XYLT1: variants seen among roughly 807,000 people sequenced by gnomAD.
XYLT1 encodes beta-D-xylosyltransferase 1.
In XYLT1, 36 loss-of-function variants were observed where a neutral mutation model predicts 91.3. The ratio of observed to expected loss-of-function variants is 0.39; its 90% CI spans 0.30 to 0.52. The LOEUF is 0.52. Among genes scored for constraint, XYLT1 ranks in the 20% least tolerant of loss-of-function variants. XYLT1 has a pLI of 0.68. For missense variants in XYLT1, 1,242 were observed against 1,284.5 expected, an observed-to-expected ratio of 0.97 and a Z score of 0.51; for synonymous variants, 588 against 532.0, an observed-to-expected ratio of 1.11 and a Z score of -1.45.
intron 2 of XYLT1, among the ~76,000 whole-genome samples, chr16:17,351,915 G>T (rs1335155226): frequency 6.6e-6 from 1 of 152,132 alleles, no homozygotes; most frequent in Non-Finnish European, 1.5e-5. Context: ...AGGCTGAGGC[G>T]GGCGGACTGC....
intron 1 of XYLT1, among the ~76,000 whole-genome samples, chr16:17,415,824 A>G (rs994720089): frequency 6.6e-6 from 1 of 152,202 alleles, no homozygotes; most frequent in Admixed American, 6.5e-5. Context: ...AGTGTGTCAG[A>G]CACACGGGAA....
chr16:17,378,449 C>A lies in XYLT1; in HGVS notation c.364-20399G>T, dbSNP rs1036059695. 2.0e-5 allele frequency among the ~76,000 whole-genome samples: 3 copies of A among 152,202 alleles called. No individual in the cohort carries two copies. The South Asian group carries it at 6.2e-4, about 32-fold the overall frequency. Reference sequence around the variant, plus strand: ...GGTTTCCTTCTGCCAGGTCACCAGTCAATGGATATTTCCCAAAAGGTGGAT... The same window carrying A: ...GGTTTCCTTCTGCCAGGTCACCAGTAAATGGATATTTCCCAAAAGGTGGAT... On this transcript the variant is annotated intron_variant, in intron 1 of 11. Coordinates refer to ENST00000261381, the MANE Select transcript of XYLT1 (RefSeq NM_022166.4).
intron 8 of XYLT1, among the ~76,000 whole-genome samples, chr16:17,137,933 TTCTGA>T (rs2030806247): frequency 2.0e-5 from 3 of 152,054 alleles, no homozygotes; most frequent in Admixed American, 1.3e-4. Context: ...ATGGCAAGAG[TTCTGA>T]GGTTGAAAAG....
chr16:17,190,984 T>C (rs1289228543), intron 5 of XYLT1, among the ~76,000 whole-genome samples: 2 of 152,220 alleles, frequency 1.3e-5, no homozygotes, highest in African/African-American at 4.8e-5. Context: ...TTCAGAGTTG[T>C]TGTCAAAACG....
At chr16:17,337,553 C>T (rs553464055) in intron 2 of XYLT1, among the ~76,000 whole-genome samples, 4 of 152,176 alleles carry the variant, frequency 2.6e-5, no homozygotes, top group Admixed American at 6.5e-5. Flanking sequence ...CAGGACTTCA[C>T]GTTGCTAAAT....
chr16:17,198,700 A>G (rs887984858), intron 4 of XYLT1, among the ~76,000 whole-genome samples: 16 of 152,110 alleles, frequency 1.1e-4, no homozygotes, highest in African/African-American at 3.6e-4. Flanking sequence ...GGGACTTCAC[A>G]TTTTTAAAAT....
intron 2 of XYLT1, among the ~76,000 whole-genome samples, chr16:17,290,427 T>A (rs2034204979): frequency 6.6e-6 from 1 of 152,238 alleles, no homozygotes; most frequent in Non-Finnish European, 1.5e-5. Flanking sequence ...GATGAAGCTA[T>A]TTCTGGAGGC....
intron 9 of XYLT1, among the ~76,000 whole-genome samples, chr16:17,130,599 G>A (rs764234879): frequency 2.6e-5 from 4 of 152,134 alleles, no homozygotes; most frequent in Admixed American, 6.5e-5. Context: ...TCAGCCTCCC[G>A]AGTAGCTGGG....
chr16:17,238,033 C>T (rs1432322119), intron 3 of XYLT1, among the ~76,000 whole-genome samples: 1 of 152,186 alleles, frequency 6.6e-6, no homozygotes, highest in African/African-American at 2.4e-5. Context: ...GGCAGTGGTA[C>T]CTGGCACACA....
Position 17,232,351 on chromosome 16 carries a change from C to T in XYLT1, c.913+26637G>A, listed in dbSNP as rs182262631. ...GACCACCATTGTATATGCAGTCCACCGTTGACTGAAACACTGAAACATACA... is the reference window on the plus strand; with the variant it reads ...GACCACCATTGTATATGCAGTCCACTGTTGACTGAAACACTGAAACATACA... On this transcript the variant is annotated intron_variant, in intron 3 of 11. Coordinates refer to ENST00000261381, the MANE Select transcript of XYLT1 (RefSeq NM_022166.4). 8.6e-3 allele frequency among the ~76,000 whole-genome samples: 1,223 copies of T among 141,626 alleles called. 9 individuals are homozygous for T. Among genetic ancestry groups the T allele is most frequent in the African/African-American group, 0.03 (1,160 of 38,340 alleles). The allele number at this position is 141,626 out of a possible 152,430, so 92.9% of individuals were successfully genotyped here. A position where few individuals can be genotyped will look rare whatever the true frequency, so the allele number is the denominator to read the frequency against.
chr16:17,232,806 T>A (rs2033187666), intron 3 of XYLT1, among the ~76,000 whole-genome samples: 1 of 151,996 alleles, frequency 6.6e-6, no homozygotes, highest in Non-Finnish European at 1.5e-5. Flanking sequence ...GTCATGGTGT[T>A]GGTGATAATG....
rs1341278792 is a variant in XYLT1 at position 17,106,167 on chromosome 16, G to C, written c.*2528C>G. The C allele has an allele frequency of 6.6e-6, 1 of 152,242 alleles. No homozygotes were observed. Among genetic ancestry groups the C allele is most frequent in the Non-Finnish European group, 1.5e-5 (1 of 68,070 alleles). 9.4% of individuals were successfully genotyped at this position (152,242 alleles called of 1,614,324 possible). ...AAAAAAGGCAGACATGTTAGTGGGT[G>C]CAGGAGGGGCCCCATCTTGAAGTCT... On this transcript the variant is annotated 3_prime_UTR_variant, in exon 12 of 12. Coordinates refer to ENST00000261381, the MANE Select transcript of XYLT1 (RefSeq NM_022166.4).
At chr16:17,131,676 CAT>C (rs895959456) in intron 9 of XYLT1, among the ~76,000 whole-genome samples, 4 of 151,946 alleles carry the variant, frequency 2.6e-5, no homozygotes, top group East Asian at 1.9e-4. Flanking sequence ...TTCTGCAATG[CAT>C]ATGTGTTAGT....
At chr16:17,463,135 A>G (rs2141961490) in intron 1 of XYLT1, among the ~76,000 whole-genome samples, 1 of 152,302 alleles carries the variant, frequency 6.6e-6, no homozygotes, top group South Asian at 2.1e-4. Context: ...ACTAGAGAAA[A>G]AAACATTGGG....
intron 3 of XYLT1, among the ~76,000 whole-genome samples, chr16:17,223,148 C>A (rs1190371789): frequency 6.6e-6 from 1 of 152,132 alleles, no homozygotes; most frequent in Non-Finnish European, 1.5e-5. Context: ...CAGCCAGTAA[C>A]AACTAAATTA....
intron 1 of XYLT1, among the ~76,000 whole-genome samples, chr16:17,380,112 AC>A (rs367749916): frequency 6.6e-6 from 1 of 151,964 alleles, no homozygotes; most frequent in African/African-American, 2.4e-5. Context: ...ACATGGTGAA[AC>A]CCCATCTCTA....
intron 1 of XYLT1, among the ~76,000 whole-genome samples, chr16:17,422,905 T>C (rs2036266685): frequency 6.6e-6 from 1 of 152,140 alleles, no homozygotes; most frequent in Non-Finnish European, 1.5e-5. Flanking sequence ...AAGTGGCAAA[T>C]AGGGGCTGAA....
intron 1 of XYLT1, among the ~76,000 whole-genome samples, chr16:17,425,997 G>A (rs1038152346): frequency 6.6e-6 from 1 of 152,106 alleles, no homozygotes; most frequent in African/African-American, 2.4e-5. Context: ...TGTTCCCAAT[G>A]TTTTGTAAGG....
In XYLT1 at chr16:17,138,400, G is replaced by C; in HGVS notation, c.1719C>G (p.Gly573=). The stretch of plus-strand genomic sequence containing the variant: ...GCGGCTTGAAGTCATTGGGGGAGCA[G>C]CCGCACCAGTCCACGATGTGCTTGT... ...CQYKHIVDWC[G]CSPNDFKPQD... is the part of the protein sequence containing the mutation. The change falls in exon 8 of 12, where the codon GGC becomes GGG. Residue 573 remains glycine (G), a synonymous_variant. Coordinates refer to ENST00000261381, the MANE Select transcript of XYLT1 (RefSeq NM_022166.4). 2 of 1,614,108 alleles carry C rather than the reference G, an allele frequency of 1.2e-6. No homozygotes were observed. Among genetic ancestry groups the C allele is most frequent in the African/African-American group, 1.3e-5 (1 of 75,042 alleles).
Sources: allele counts gnomAD v4.1 joint callset (sites outside exome capture counted in the v4.1 genomes callset), GRCh38; gene constraint gnomAD v4.1.1; transcripts MANE v1.5; gene names NCBI Gene and HGNC (gene_info 2026-07-23, HGNC 2026-07-21).